SLC38A9: variants seen among roughly 807,000 people sequenced by gnomAD.
SLC38A9 encodes the protein neutral amino acid transporter 9.
In SLC38A9, 48 loss-of-function variants were observed where a neutral mutation model predicts 62.3. The ratio of observed to expected loss-of-function variants is 0.77; its 90% CI spans 0.61 to 0.98. SLC38A9 has a LOEUF of 0.98. SLC38A9 is among the 50% of genes least tolerant of loss of function. The pLI, the probability that SLC38A9 is intolerant of heterozygous loss-of-function variation, is 0.00. For missense variants in SLC38A9, 541 were observed against 679.8 expected (o/e 0.80, Z 2.27); for synonymous variants, 204 against 227.7 (o/e 0.90, Z 0.94).
At chr5:55,651,806 C>T (rs1747527836) in intron 10 of SLC38A9, among the ~76,000 whole-genome samples, 1 of 152,150 alleles carries the variant, frequency 6.6e-6, no homozygotes, top group Non-Finnish European at 1.5e-5. Flanking sequence ...TTAGTAAGTT[C>T]TGTTTCCAAC....
chr5:55,634,795 A>G (rs956577196), intron 13 of SLC38A9: 5 of 152,272 alleles, frequency 3.3e-5, no homozygotes, highest in African/African-American at 1.2e-4. Flanking sequence ...ATTGTACTCT[A>G]TAAGAGGAAT....
intron 10 of SLC38A9, among the ~76,000 whole-genome samples, chr5:55,651,817 C>T (rs931763599): frequency 3.3e-5 from 5 of 152,154 alleles, no homozygotes; most frequent in African/African-American, 9.6e-5. Flanking sequence ...TGTTTCCAAC[C>T]GTTAGAATCA....
chr5:55,690,240 C>T (rs1754535524), intron 3 of SLC38A9, among the ~76,000 whole-genome samples: 1 of 152,136 alleles, frequency 6.6e-6, no homozygotes, highest in Non-Finnish European at 1.5e-5. Context: ...AATACACCTC[C>T]CTCAGCCTCC....
At chr5:55,641,021 G>T (rs1053395875) in intron 12 of SLC38A9, among the ~76,000 whole-genome samples, 1 of 151,820 alleles carries the variant, frequency 6.6e-6, no homozygotes, top group Non-Finnish European at 1.5e-5. Context: ...TGTATTTTTA[G>T]TAGAGATGGG....
intron 3 of SLC38A9, among the ~76,000 whole-genome samples, chr5:55,686,405 T>C (rs1175151126): frequency 8.2e-6 from 1 of 121,286 alleles, no homozygotes; most frequent in Non-Finnish European, 1.9e-5. Flanking sequence ...TATATGCTTG[T>C]TGGCTGCATA....
Position 55,633,796 on chromosome 5 carries a change from C to A in SLC38A9, c.1388G>T (p.Arg463Leu), listed in dbSNP as rs139019589. 6.2e-7 allele frequency: 1 copy of A among 1,614,074 alleles called. No individual in the cohort carries two copies. The highest frequency in any genetic ancestry group is 8.5e-7 in the Non-Finnish European group (1 of 1,180,012). Residue 463 changes from arginine (R) to leucine (L), a missense_variant, in exon 14 of 16, where the codon CGT (arginine) becomes CTT (leucine). Coordinates refer to ENST00000396865, the MANE Select transcript of SLC38A9 (RefSeq NM_173514.4). ...GAAGATATGGCCCAAAAGCTGGACACGAGCCAGGTAGCCTAAGAGTGGGTA... is the reference window on the plus strand; with the variant it reads ...GAAGATATGGCCCAAAAGCTGGACAAGAGCCAGGTAGCCTAAGAGTGGGTA... ...TVYPLLGYLA[R>L]VQLLGHIFGD... is the part of the protein sequence containing the mutation.
At chr5:55,637,985 A>AT (rs943606783) in intron 12 of SLC38A9, among the ~76,000 whole-genome samples, 27 of 137,556 alleles carry the variant, frequency 2.0e-4, no homozygotes, top group African/African-American at 5.6e-4. Context: ...AATAATAATA[A>AT]AAAAAAAGAG....
At chr5:55,648,097 G>A (rs1036159242) in intron 11 of SLC38A9, among the ~76,000 whole-genome samples, 3 of 152,212 alleles carry the variant, frequency 2.0e-5, no homozygotes, top group Middle Eastern at 6.8e-3. Context: ...AAATTAGCCG[G>A]GCATGGTGGT....
rs1456327189 is a variant in SLC38A9 at position 55,649,184 on chromosome 5, T to TA, written c.1060+22dup. The TA allele has an allele frequency of 1.6e-5, 21 of 1,344,376 alleles. No homozygotes were observed. The African/African-American group carries it at 2.8e-4, about 18-fold the overall frequency. The allele number at this position is 1,344,376 out of a possible 1,614,324, so 83.3% of individuals were successfully genotyped here. ...TGGTTAAGATCACATTATTATAATTTATTATTTTGCCAAAAAGCTCACCTG... is the reference window on the plus strand; with the variant it reads ...TGGTTAAGATCACATTATTATAATTTAATTATTTTGCCAAAAAGCTCACCTG... On this transcript the variant is annotated intron_variant, in intron 11 of 15. Transcript: ENST00000396865.
chr5:55,660,206 T>C (rs1445957460), intron 8 of SLC38A9, among the ~76,000 whole-genome samples: 1 of 150,450 alleles, frequency 6.6e-6, no homozygotes, highest in African/African-American at 2.4e-5. Flanking sequence ...AACTCAGGAG[T>C]TCAAGACCAG....
In SLC38A9 at chr5:55,669,312, T is replaced by C. The variant is rs1173070047; in HGVS notation, c.442A>G (p.Thr148Ala). The C allele has an allele frequency of 2.5e-6, 4 of 1,611,710 alleles. No individual in the cohort carries two copies. The highest frequency in any genetic ancestry group is 2.5e-6 in the Non-Finnish European group (3 of 1,179,050). ...AGTATGATGACACACATTCCAGTAG[T>C]AAATCCAGCCTGTTTAAAAATAAAA... ...IPWGIKQAGF[T>A]TGMCVIILMG... Residue 148 changes from threonine (T) to alanine (A), a missense_variant, in exon 7 of 16, where the codon ACT becomes GCT. Thr to Ala is a moderately conservative substitution (Grantham distance 58). Coordinates refer to ENST00000396865, the MANE Select transcript of SLC38A9 (RefSeq NM_173514.4).
At chr5:55,667,612 A>C (rs1320795415) in intron 7 of SLC38A9, among the ~76,000 whole-genome samples, 3 of 152,156 alleles carry the variant, frequency 2.0e-5, no homozygotes, top group Admixed American at 1.3e-4. Context: ...ATGTTTTACA[A>C]ATAAATTTTA....
chr5:55,650,593 G>T (rs906236904), intron 10 of SLC38A9, among the ~76,000 whole-genome samples: 63 of 152,186 alleles, frequency 4.1e-4, no homozygotes, highest in African/African-American at 1.5e-3. Context: ...TGGGTTTGGA[G>T]ATTAGCTGAT....
intron 3 of SLC38A9, 24 bp from the exon 4 acceptor site, chr5:55,672,719 C>A: frequency 6.3e-7 from 1 of 1,590,748 alleles, no homozygotes; most frequent in Admixed American, 1.8e-5. Flanking sequence ...ATACACTTGA[C>A]AAAAAGTGTT....
chr5:55,691,274 C>T, intron 3 of SLC38A9: 1 of 1,422,714 alleles, frequency 7.0e-7, no homozygotes, highest in Non-Finnish European at 9.6e-7. Context: ...CATTATAATA[C>T]CAAGCTGACA....
intron 4 of SLC38A9, 127 bp downstream of exon 4, chr5:55,672,436 C>T (rs1751473976): frequency 9.6e-7 from 1 of 1,044,632 alleles, no homozygotes; most frequent in South Asian, 1.6e-5. Context: ...CTATCTTTGA[C>T]TTTGCATGAT....
chr5:55,664,952 T>C, intron 7 of SLC38A9, 89 bp from the exon 8 acceptor site: 1 of 840,624 alleles, frequency 1.2e-6, no homozygotes, highest in Non-Finnish European at 1.8e-6. Context: ...CTCAAAATAT[T>C]TGGCGAAAGA....
Position 55,635,535 on chromosome 5 carries a change from G to A in SLC38A9, c.1281+9C>T. ...CACAATCACACAGAGAGGGTACACG[G>A]TGCCTTACCTGCTCAATACAATCTT... is the stretch of plus-strand genomic sequence containing the variant. On this transcript the variant is annotated intron_variant, in intron 13 of 15. Coordinates refer to ENST00000396865, the MANE Select transcript of SLC38A9 (RefSeq NM_173514.4). 6.3e-7 allele frequency: 1 copy of A among 1,581,538 alleles called. No individual in the cohort carries two copies.
chr5:55,628,409 T>A (rs1232846803), intron 14 of SLC38A9, among the ~76,000 whole-genome samples: 2 of 152,156 alleles, frequency 1.3e-5, no homozygotes, highest in Non-Finnish European at 2.9e-5. Flanking sequence ...ACCATTACCT[T>A]GTCAGGTAAA....
Sources: allele counts gnomAD v4.1 joint callset (sites outside exome capture counted in the v4.1 genomes callset), GRCh38; gene constraint gnomAD v4.1.1; transcripts MANE v1.5; gene names NCBI Gene and HGNC (gene_info 2026-07-23, HGNC 2026-07-21).